The following FRS2 variants were observed in gnomAD, a reference collection of about 807,000 sequenced individuals.
FRS2 encodes fibroblast growth factor receptor substrate 2, also known as FGFR signalling adaptor.
In FRS2, 8 loss-of-function variants were observed where a neutral mutation model predicts 43.9. That is an observed-to-expected ratio of 0.18 (90% CI 0.11 to 0.33). FRS2 has a LOEUF of 0.33. FRS2 is among the 10% of genes least tolerant of loss of function. The pLI, the probability that FRS2 is intolerant of heterozygous loss-of-function variation, is 1.00. For synonymous variants in FRS2, 219 were observed against 220.3 expected (o/e 0.99, Z 0.05); for missense variants, 534 against 627.6 (o/e 0.85, Z 1.59).
chr12:69,523,727 A>C (rs1448051486), intron 1 of FRS2, among the ~76,000 whole-genome samples: 3 of 152,112 alleles, frequency 2.0e-5, no homozygotes, highest in Non-Finnish European at 4.4e-5. Context: ...TCCTTTCCAT[A>C]TTTAGTACTT....
chr12:69,514,817 G>GT (rs1399162401), intron 1 of FRS2, among the ~76,000 whole-genome samples: 1 of 118,304 alleles, frequency 8.5e-6, no homozygotes, highest in Non-Finnish European at 1.7e-5. Flanking sequence ...GGGCAACAGA[G>GT]TGGGACTGTG....
chr12:69,485,134 C>CACACACACACACACACACACAT (rs1194988609), intron 1 of FRS2, among the ~76,000 whole-genome samples: 2,515 of 134,246 alleles, frequency 0.019, 133 homozygotes, highest in East Asian at 0.088. Flanking sequence ...CACACACACA[C>CACACACACACACACACACACAT]ACTCTCACCC....
chr12:69,473,893 A>C lies in FRS2; in HGVS notation c.-261+3363A>C, dbSNP rs189742624. Among the ~76,000 whole-genome samples, 4 of 152,234 alleles carry C rather than the reference A, an allele frequency of 2.6e-5. No homozygotes were observed. In the East Asian group the frequency reaches 7.7e-4, roughly 29 times the overall value. On this transcript the variant is annotated intron_variant, in intron 1 of 8. Coordinates refer to ENST00000549921, the MANE Select transcript of FRS2 (RefSeq NM_001278356.2). The stretch of plus-strand genomic sequence containing the variant: ...GAGTCTAGCTTTGTTGCCAGGCTGG[A>C]GTGCGGTGGCGTGATCTTGGCTCAC...
chr12:69,542,490 A>G (rs1176570332), intron 3 of FRS2, among the ~76,000 whole-genome samples: 1 of 152,236 alleles, frequency 6.6e-6, no homozygotes, highest in East Asian at 1.9e-4. Context: ...ATAAAGAAGA[A>G]AAAAGACTAG....
At position 69,546,274 on chromosome 12, in the gene FRS2, TG is replaced by T. The variant is rs201842150; in HGVS notation, c.-122+14220del. 3.5e-3 allele frequency among the ~76,000 whole-genome samples: 530 copies of T among 152,214 alleles called. 1 individual carries two copies. Among genetic ancestry groups the T allele is most frequent in the African/African-American group, 0.012 (510 of 41,544 alleles). On this transcript the variant is annotated intron_variant, in intron 3 of 8. Coordinates refer to ENST00000549921, the MANE Select transcript of FRS2 (RefSeq NM_001278356.2). ...TCATTAGGATGGCTACTTTTTTTTT[TG>T]GAGACAGAGTCTCGCTGTATTGCTC... is the stretch of plus-strand genomic sequence containing the variant.
intron 3 of FRS2, among the ~76,000 whole-genome samples, chr12:69,560,143 T>C (rs1274453498): frequency 6.6e-6 from 1 of 152,244 alleles, no homozygotes; most frequent in African/African-American, 2.4e-5. Context: ...ATACTTGTTA[T>C]AAGGATGTGC....
intron 1 of FRS2, among the ~76,000 whole-genome samples, chr12:69,484,640 C>T (rs149390952): frequency 6.0e-4 from 92 of 152,262 alleles, no homozygotes; most frequent in African/African-American, 2.1e-3. Flanking sequence ...TTCATTTTTC[C>T]TATGTTGTCA....
In FRS2 at chr12:69,477,115, A is replaced by G. The variant is rs191800191; in HGVS notation, c.-261+6585A>G. Among the ~76,000 whole-genome samples the G allele has an allele frequency of 9.8e-4, 137 of 139,154 alleles. 1 individual carries two copies. Among genetic ancestry groups the G allele is most frequent in the African/African-American group, 3.1e-3 (124 of 40,562 alleles). 91.3% of individuals were successfully genotyped at this position (139,154 alleles called of 152,430 possible). A position where few individuals can be genotyped will look rare whatever the true frequency, so the allele number is the denominator to read the frequency against. On this transcript the variant is annotated intron_variant, in intron 1 of 8. Transcript: ENST00000549921. ...TCTTAAAGTACTCCCAATGGCAGAA[A>G]TGTGGATGAATAGTACCCTCAGAAG...
intron 3 of FRS2, among the ~76,000 whole-genome samples, chr12:69,547,322 G>A (rs993414327): frequency 1.3e-5 from 2 of 152,082 alleles, no homozygotes; most frequent in East Asian, 1.9e-4. Flanking sequence ...TTAACTGCAC[G>A]TGGTGGGATG....
At chr12:69,484,661 C>T (rs1167381343) in intron 1 of FRS2, among the ~76,000 whole-genome samples, 1 of 152,194 alleles carries the variant, frequency 6.6e-6, no homozygotes, top group Non-Finnish European at 1.5e-5. Flanking sequence ...CTTTCAAGTG[C>T]CTAGTCGTGC....
chr12:69,569,930 G>T (rs1305175765), intron 5 of FRS2, among the ~76,000 whole-genome samples: 2 of 151,928 alleles, frequency 1.3e-5, no homozygotes, highest in Non-Finnish European at 2.9e-5. Flanking sequence ...TCTTTATGAT[G>T]TCCCTTTATC....
chr12:69,522,293 G>GAGTC (rs1348227057), intron 1 of FRS2, among the ~76,000 whole-genome samples: 1 of 151,192 alleles, frequency 6.6e-6, no homozygotes, highest in Non-Finnish European at 1.5e-5. Flanking sequence ...AGTTAAGGAG[G>GAGTC]AGTCCCTCCT....
At chr12:69,512,232 T>C (rs1355607579) in intron 1 of FRS2, among the ~76,000 whole-genome samples, 1 of 152,190 alleles carries the variant, frequency 6.6e-6, no homozygotes, top group Non-Finnish European at 1.5e-5. Context: ...GCTCATCTCT[T>C]TTTGGCGGGG....
intron 3 of FRS2, among the ~76,000 whole-genome samples, chr12:69,537,048 G>T (rs1877387173): frequency 6.6e-6 from 1 of 152,012 alleles, no homozygotes; most frequent in Non-Finnish European, 1.5e-5. Flanking sequence ...TTCTTTTAGT[G>T]GTTGCTCTGG....
intron 3 of FRS2, among the ~76,000 whole-genome samples, chr12:69,540,325 C>G (rs1202428146): frequency 6.7e-6 from 1 of 149,268 alleles, no homozygotes; most frequent in Non-Finnish European, 1.5e-5. Flanking sequence ...CTTAGAACAT[C>G]TTGTAGTGCC....
chr12:69,543,019 T>C (rs1186223661), intron 3 of FRS2, among the ~76,000 whole-genome samples: 4 of 152,232 alleles, frequency 2.6e-5, no homozygotes, highest in African/African-American at 7.2e-5. Flanking sequence ...TTTTTGAATC[T>C]ATAGTACAAA....
At chr12:69,527,343 A>ATTTTTTTTTTTTTTTTT (rs1166365306) in intron 1 of FRS2, among the ~76,000 whole-genome samples, 1 of 84,216 alleles carries the variant, frequency 1.2e-5, no homozygotes, top group Non-Finnish European at 2.1e-5. Flanking sequence ...TTTTTTAATG[A>ATTTTTTTTTTTTTTTTT]TTTTTTTTTT....
At chr12:69,545,738 A>C (rs1201746243) in intron 3 of FRS2, among the ~76,000 whole-genome samples, 1 of 137,798 alleles carries the variant, frequency 7.3e-6, no homozygotes, top group Non-Finnish European at 1.5e-5. Context: ...CCTGGGCGAC[A>C]GTGTGAGACC....
chr12:69,532,946 TGTATGGCATA>T (rs1409877222), intron 3 of FRS2, among the ~76,000 whole-genome samples: 1 of 152,228 alleles, frequency 6.6e-6, no homozygotes, highest in Non-Finnish European at 1.5e-5. Flanking sequence ...TTGAGTCTTT[TGTATGGCATA>T]GTAATTTTCT....
Sources: gnomAD v4.1 joint callset for allele counts (sites outside exome capture counted in the v4.1 genomes callset) on GRCh38, gnomAD v4.1.1 for gene constraint, MANE v1.5 for transcripts, NCBI Gene and HGNC (gene_info 2026-07-23, HGNC 2026-07-21) for gene names.